The following AUTS2 variants were observed in gnomAD, a reference collection of about 807,000 sequenced individuals.
AUTS2 encodes autism susceptibility gene 2 protein.
Under a neutral mutation model 112.4 loss-of-function variants are expected in AUTS2, and 17 were observed. The observed-to-expected ratio is 0.15, with a 90% CI of 0.10 to 0.23. AUTS2 has a LOEUF of 0.23. AUTS2 is among the 10% of genes least tolerant of loss of function. The pLI is 1.00. For synonymous variants in AUTS2, 751 were observed against 702.7 expected (o/e 1.07, Z -1.09); for missense variants, 1,510 against 1,701.6 (o/e 0.89, Z 1.98).
At chr7:69,917,323 G>T in intron 2 of AUTS2, among the ~76,000 whole-genome samples, 1 of 133,172 alleles carries the variant, frequency 7.5e-6, no homozygotes, top group East Asian at 2.1e-4. Context: ...CTAATCCCAT[G>T]CCCCTATCAC....
chr7:70,046,475 A>T (rs956149527), intron 2 of AUTS2, among the ~76,000 whole-genome samples: 1 of 152,222 alleles, frequency 6.6e-6, no homozygotes, highest in African/African-American at 2.4e-5. Flanking sequence ...TAAAATACGT[A>T]CAACTTTTTG....
At chr7:70,399,116 A>C (rs1794216909) in intron 4 of AUTS2, among the ~76,000 whole-genome samples, 1 of 151,220 alleles carries the variant, frequency 6.6e-6, no homozygotes, top group Admixed American at 6.6e-5. Context: ...CCTCTCAAAT[A>C]GTTGGGACCA....
chr7:70,144,721 G>C (rs1293578943), intron 4 of AUTS2, among the ~76,000 whole-genome samples: 1 of 152,084 alleles, frequency 6.6e-6, no homozygotes, highest in East Asian at 1.9e-4. Flanking sequence ...TGTATTATTA[G>C]AGTAGGCTGA....
chr7:70,709,194 G>A (rs921241369), intron 6 of AUTS2, among the ~76,000 whole-genome samples: 7 of 151,968 alleles, frequency 4.6e-5, no homozygotes, highest in African/African-American at 1.7e-4. Context: ...TGGGATTACA[G>A]GCGTGAGCCA....
rs185042655 is a variant in AUTS2, at chr7:70,766,895, A to G, written c.1689+561A>G. On this transcript the variant is annotated intron_variant, in intron 9 of 18. Coordinates refer to ENST00000342771, the MANE Select transcript of AUTS2 (RefSeq NM_015570.4). This position sits in a 1 kb window ranked among gnomAD's most constrained non-coding sequence, Gnocchi z 4.8. ...CCCTAATCTGGTATTGTGCTCTGTC[A>G]GCCAGTGTTCAGGGATCCCCGCAGG... 1.3e-5 allele frequency among the ~76,000 whole-genome samples: 2 copies of G among 152,250 alleles called. No individual in the cohort carries two copies. The highest frequency in any genetic ancestry group is 2.9e-5 in the Non-Finnish European group (2 of 68,054).
intron 4 of AUTS2, among the ~76,000 whole-genome samples, chr7:70,324,846 TC>T (rs1790414513): frequency 6.6e-6 from 1 of 152,260 alleles, no homozygotes; most frequent in Admixed American, 6.5e-5. Flanking sequence ...GTATATTTTT[TC>T]TTAGTTTTCT....
intron 5 of AUTS2, among the ~76,000 whole-genome samples, chr7:70,667,912 C>G (rs1034399005): frequency 1.3e-5 from 2 of 152,306 alleles, no homozygotes; most frequent in African/African-American, 4.8e-5. Context: ...GGTAGTAATT[C>G]CCAAACTCTA....
At chr7:69,985,337 CTGCCTTCACGG>C (rs1377721928) in intron 2 of AUTS2, among the ~76,000 whole-genome samples, 1 of 151,842 alleles carries the variant, frequency 6.6e-6, no homozygotes, top group African/African-American at 2.4e-5. Context: ...CATCACTTGG[CTGCCTTCACGG>C]TGCCTCTGAC....
intron 6 of AUTS2, among the ~76,000 whole-genome samples, chr7:70,700,539 T>G (rs1585532686): frequency 6.6e-6 from 1 of 152,108 alleles, no homozygotes; most frequent in East Asian, 1.9e-4. Context: ...CGAATCCAGG[T>G]GGTGCAAAGT....
chr7:70,311,610 G>A (rs899912944), intron 4 of AUTS2, among the ~76,000 whole-genome samples: 4 of 152,182 alleles, frequency 2.6e-5, no homozygotes, highest in Non-Finnish European at 5.9e-5. Flanking sequence ...GGGGTGGAGT[G>A]CAGTGATGCA....
intron 5 of AUTS2, among the ~76,000 whole-genome samples, chr7:70,658,013 A>C (rs1425372222): frequency 6.6e-6 from 1 of 152,186 alleles, no homozygotes; most frequent in Non-Finnish European, 1.5e-5. Context: ...CTATCTGCCC[A>C]AGAAAGGAAG....
chr7:70,217,156 G>C (rs1260073771), intron 4 of AUTS2, among the ~76,000 whole-genome samples: 1 of 152,046 alleles, frequency 6.6e-6, no homozygotes. Context: ...CCACAGTTTA[G>C]AATAAAATCA....
At chr7:70,036,848 G>T in intron 2 of AUTS2, among the ~76,000 whole-genome samples, 1 of 152,150 alleles carries the variant, frequency 6.6e-6, no homozygotes. Context: ...AGTGTTCATT[G>T]TAAGTAACAC....
chr7:70,463,719 C>T (rs1797064393), intron 5 of AUTS2, among the ~76,000 whole-genome samples: 1 of 152,212 alleles, frequency 6.6e-6, no homozygotes, highest in South Asian at 2.1e-4. Context: ...ATGGAGCACA[C>T]CTCCCACCTT....
At chr7:69,763,377 A>G (rs1355900874) in intron 1 of AUTS2, among the ~76,000 whole-genome samples, 1 of 152,214 alleles carries the variant, frequency 6.6e-6, no homozygotes, top group African/African-American at 2.4e-5. Context: ...TGTATAATTT[A>G]CATCTGTTAT....
intron 2 of AUTS2, among the ~76,000 whole-genome samples, chr7:70,108,720 T>TG (rs1215692250): frequency 7.2e-6 from 1 of 138,604 alleles, no homozygotes; most frequent in East Asian, 2.2e-4. Context: ...CACAGCACTT[T>TG]GGGAGGCTGA....
chr7:69,674,061 T>A (rs1281806609), intron 1 of AUTS2, among the ~76,000 whole-genome samples: 1 of 152,256 alleles, frequency 6.6e-6, no homozygotes, highest in Non-Finnish European at 1.5e-5. Flanking sequence ...GCTCCTGTTT[T>A]GCAAAGGCAC....
intron 5 of AUTS2, among the ~76,000 whole-genome samples, chr7:70,512,537 G>A (rs1005951026): frequency 3.3e-5 from 5 of 152,114 alleles, no homozygotes; most frequent in Admixed American, 2.6e-4. Flanking sequence ...TTTCCCTCCC[G>A]CTCCTCAGTA....
At chr7:69,722,267 A>AT (rs1474635866) in intron 1 of AUTS2, among the ~76,000 whole-genome samples, 1 of 152,080 alleles carries the variant, frequency 6.6e-6, no homozygotes, top group African/African-American at 2.4e-5. Flanking sequence ...TTTTCTCACA[A>AT]TAGTAGTTAA....
Sources: gnomAD v4.1 joint callset for allele counts (sites outside exome capture counted in the v4.1 genomes callset) on GRCh38, gnomAD v4.1.1 for gene constraint, Gnocchi (gnomAD v3.1) non-coding constraint, MANE v1.5 for transcripts, NCBI Gene and HGNC (gene_info 2026-07-23, HGNC 2026-07-21) for gene names.